TOP1: variants seen among roughly 807,000 people sequenced by gnomAD.
The protein encoded by TOP1 is DNA topoisomerase 1.
A neutral mutation model predicts 111.1 loss-of-function variants in TOP1; 10 were observed. The ratio of observed to expected loss-of-function variants is 0.09; its 90% CI spans 0.06 to 0.15. The LOEUF is 0.15. Ranked by LOEUF, TOP1 falls within the 10% of genes least tolerant of loss-of-function variation. The pLI is 1.00. For synonymous variants in TOP1, 271 were observed against 302.9 expected (o/e 0.89, Z 1.10); for missense variants, 474 against 926.7 (o/e 0.51, Z 6.34).
Position 41,121,532 on chromosome 20 carries a change from C to T in TOP1, c.1951-164C>T, listed in dbSNP as rs576715249. On this transcript the variant is annotated intron_variant, in intron 18 of 20. Transcript: ENST00000361337. This position sits in a 1 kb window ranked among gnomAD's most constrained non-coding sequence, Gnocchi z 4.2. ...GAACAAATAGTTGAATTCACTAGTC[C>T]TTGTGCATCTTCTCCCTGCCTTCAT... Among the ~76,000 whole-genome samples, 1 of 152,258 alleles carries T rather than the reference C, an allele frequency of 6.6e-6. No individual in the cohort carries two copies. Among genetic ancestry groups the T allele is most frequent in the African/African-American group, 2.4e-5 (1 of 41,550 alleles).
chr20:41,101,955 G>A lies in TOP1; in HGVS notation c.1308+602G>A, dbSNP rs147118116. ...GTTATTGCAAGGAGATAACTGCCTT[G>A]GGGGAAATCAGTTTTTGTTTGCCAG... On this transcript the variant is annotated intron_variant, in intron 13 of 20. Coordinates refer to ENST00000361337, the MANE Select transcript of TOP1 (RefSeq NM_003286.4). This position sits in a 1 kb window ranked among gnomAD's most constrained non-coding sequence, Gnocchi z 4.1. 1.1e-4 allele frequency among the ~76,000 whole-genome samples: 16 copies of A among 152,308 alleles called. No homozygotes were observed. The East Asian group carries it at 2.9e-3, about 28-fold the overall frequency.
At chr20:41,073,189 G>A in intron 3 of TOP1, 1 of 985,284 alleles carries the variant, frequency 1.0e-6, no homozygotes, top group Non-Finnish European at 1.2e-6. Context: ...ACACTTGTAG[G>A]TACCTATGTT....
chr20:41,039,227 A>T (rs1024779884), intron 2 of TOP1, among the ~76,000 whole-genome samples: 1 of 152,250 alleles, frequency 6.6e-6, no homozygotes, highest in Admixed American at 6.5e-5. Flanking sequence ...CTTTGAAATT[A>T]GTACGTTGTA....
At chr20:41,049,324 A>G (rs1306684837) in intron 2 of TOP1, among the ~76,000 whole-genome samples, 1 of 152,236 alleles carries the variant, frequency 6.6e-6, no homozygotes, top group African/African-American at 2.4e-5. Context: ...TGCAGAGGTG[A>G]TAACAAAATT....
chr20:41,044,190 C>T (rs1233657143), intron 2 of TOP1, among the ~76,000 whole-genome samples: 11 of 152,192 alleles, frequency 7.2e-5, no homozygotes, highest in East Asian at 5.8e-4. Flanking sequence ...GCAGGAGAAT[C>T]GCTTGAACCC....
intron 8 of TOP1, among the ~76,000 whole-genome samples, chr20:41,089,359 T>G (rs2145944045): frequency 6.6e-6 from 1 of 152,286 alleles, no homozygotes; most frequent in South Asian, 2.1e-4. Flanking sequence ...ACCATTCTAC[T>G]TTCTGTCTCT....
At chr20:41,089,804 T>C (rs2145944301) in intron 8 of TOP1, among the ~76,000 whole-genome samples, 1 of 152,326 alleles carries the variant, frequency 6.6e-6, no homozygotes, top group East Asian at 1.9e-4. Context: ...CCAACACTTG[T>C]TATTTTTTGT....
Position 41,116,595 on chromosome 20 carries a change from T to TC in TOP1, c.1822+204dup, listed in dbSNP as rs1441657609. On this transcript the variant is annotated intron_variant, in intron 17 of 20. Transcript: ENST00000361337. The surrounding 1 kb of genome is among the most constrained non-coding windows in gnomAD (Gnocchi z 5.6). ...CTGTTTCCCCCTTCCCACCCCAACT[T>TC]CAAGATTAATTTCATGGAATGCTGA... Among the ~76,000 whole-genome samples the TC allele has an allele frequency of 6.6e-6, 1 of 152,172 alleles. No individual in the cohort carries two copies. The highest frequency in any genetic ancestry group is 2.4e-5 in the African/African-American group (1 of 41,434).
rs2033162175 is a variant in TOP1 at position 41,034,614 on chromosome 20, C to T, written c.58+5159C>T. Among the ~76,000 whole-genome samples, 1 of 152,076 alleles carries T rather than the reference C, an allele frequency of 6.6e-6. No individual in the cohort carries two copies. Among genetic ancestry groups the T allele is most frequent in the South Asian group, 2.1e-4 (1 of 4,832 alleles). On this transcript the variant is annotated intron_variant, in intron 2 of 20. Coordinates refer to ENST00000361337, the MANE Select transcript of TOP1 (RefSeq NM_003286.4). This position sits in a 1 kb window ranked among gnomAD's most constrained non-coding sequence, Gnocchi z 4.0. ...GTTATGAGAAATGGCTGATAGTTTG[C>T]TGAAATGATTTAATAGTAAATAGAT... is the stretch of plus-strand genomic sequence containing the variant.
intron 8 of TOP1, among the ~76,000 whole-genome samples, chr20:41,089,756 C>T (rs2033895969): frequency 6.6e-6 from 1 of 152,018 alleles, no homozygotes; most frequent in African/African-American, 2.4e-5. Context: ...ACGTTCCTAC[C>T]AGGACCACAC....
chr20:41,120,858 C>T (rs932147230), intron 18 of TOP1, among the ~76,000 whole-genome samples: 2 of 152,204 alleles, frequency 1.3e-5, no homozygotes, highest in African/African-American at 4.8e-5. Context: ...TCTACTGCCT[C>T]AGCCTCCCGA....
chr20:41,093,388 G>T (rs773263131), intron 9 of TOP1, among the ~76,000 whole-genome samples: 1 of 151,924 alleles, frequency 6.6e-6, no homozygotes, highest in African/African-American at 2.4e-5. Context: ...TAACAGTTGT[G>T]GGGTGGGCTT....
chr20:41,047,068 A>G (rs780241271), intron 2 of TOP1, among the ~76,000 whole-genome samples: 8 of 152,220 alleles, frequency 5.3e-5, no homozygotes, highest in Non-Finnish European at 7.3e-5. Flanking sequence ...CAGGGAGGAT[A>G]TTCTTCATTT....
At position 41,097,354 on chromosome 20, in the gene TOP1, A is replaced by AG; in HGVS notation, c.852+13_852+14insG. 1 of 1,610,816 alleles carries AG rather than the reference A, an allele frequency of 6.2e-7. No individual in the cohort carries two copies. The highest frequency in any genetic ancestry group is 8.5e-7 in the Non-Finnish European group (1 of 1,178,572). ...AGACTGGAGAAAGGTACTGTAGCCC[A>AG]TGTGTTAATATCCTAGTACCTTGCA... is the stretch of plus-strand genomic sequence containing the variant. On this transcript the variant is annotated intron_variant, in intron 10 of 20. Transcript: ENST00000361337. This position sits in a 1 kb window ranked among gnomAD's most constrained non-coding sequence, Gnocchi z 4.2.
In TOP1 at chr20:41,030,145, T is replaced by TAGC. The variant is rs1397772004; in HGVS notation, c.58+693_58+695dup. ...TCCCAAGTTACGTTCTTTGCAAAGG[T>TAGC]AGCAGTACCTCCCTAAAGAAAGTTT... On this transcript the variant is annotated intron_variant, in intron 2 of 20. Transcript: ENST00000361337. The surrounding 1 kb of genome is among the most constrained non-coding windows in gnomAD (Gnocchi z 4.1). 2.0e-5 allele frequency among the ~76,000 whole-genome samples: 3 copies of TAGC among 152,174 alleles called. No homozygotes were observed. Among genetic ancestry groups the TAGC allele is most frequent in the Non-Finnish European group, 4.4e-5 (3 of 68,012 alleles).
chr20:41,119,663 A>G (rs2034391148), intron 18 of TOP1, among the ~76,000 whole-genome samples: 3 of 152,246 alleles, frequency 2.0e-5, no homozygotes, highest in Non-Finnish European at 1.5e-5. Flanking sequence ...AGCTGGTTCA[A>G]AAGGTACACA....
chr20:41,067,129 A>AT lies in TOP1; in HGVS notation c.155+5647dup, dbSNP rs2033618026. Among the ~76,000 whole-genome samples the AT allele has an allele frequency of 6.6e-6, 1 of 151,696 alleles. No individual in the cohort carries two copies. Among genetic ancestry groups the AT allele is most frequent in the Non-Finnish European group, 1.5e-5 (1 of 67,864 alleles). On this transcript the variant is annotated intron_variant, in intron 3 of 20. Coordinates refer to ENST00000361337, the MANE Select transcript of TOP1 (RefSeq NM_003286.4). The surrounding 1 kb of genome is among the most constrained non-coding windows in gnomAD (Gnocchi z 4.0). ...TATATTCCAGTAAAATTATTTTATTATTTTTTTTGAGATGGAGTCTCACTT... is the reference window on the plus strand; with the variant it reads ...TATATTCCAGTAAAATTATTTTATTATTTTTTTTTGAGATGGAGTCTCACTT...
intron 2 of TOP1, among the ~76,000 whole-genome samples, chr20:41,036,148 C>T (rs1016741145): frequency 6.6e-6 from 1 of 152,136 alleles, no homozygotes; most frequent in South Asian, 2.1e-4. Context: ...CCCTTTATGC[C>T]TTTTCATGTC....
chr20:41,123,852 C>T lies in TOP1; in HGVS notation c.*555C>T, dbSNP rs2034456501. The T allele has an allele frequency of 4.3e-6, 1 of 232,630 alleles. No homozygotes were observed. The highest frequency in any genetic ancestry group is 8.5e-6 in the Non-Finnish European group (1 of 117,496). 14.4% of individuals were successfully genotyped at this position (232,630 alleles called of 1,614,324 possible). ...TTCATTAAACTTGAAGCAGTCGTGG[C>T]TTTGGCAGTGTTTTGGTTCAGACAC... On this transcript the variant is annotated 3_prime_UTR_variant, in exon 21 of 21. Coordinates refer to ENST00000361337, the MANE Select transcript of TOP1 (RefSeq NM_003286.4). The surrounding 1 kb of genome is among the most constrained non-coding windows in gnomAD (Gnocchi z 5.8).
Sources: gnomAD v4.1 joint callset for allele counts (sites outside exome capture counted in the v4.1 genomes callset) on GRCh38, gnomAD v4.1.1 for gene constraint, Gnocchi (gnomAD v3.1) non-coding constraint, MANE v1.5 for transcripts, NCBI Gene and HGNC (gene_info 2026-07-23, HGNC 2026-07-21) for gene names.